Variants in ADAMTS12 observed in about 807,000 individuals in gnomAD.
ADAMTS12 encodes ADAM metallopeptidase with thrombospondin type 1 motif 12, also known as A disintegrin and metalloproteinase with thrombospondin motifs 12.
Under a neutral mutation model 167.8 loss-of-function variants are expected in ADAMTS12, and 118 were observed. That is an observed-to-expected ratio of 0.70 (90% CI 0.61 to 0.82). The LOEUF (loss-of-function observed/expected upper bound fraction) is 0.82. ADAMTS12 is among the 40% of genes least tolerant of loss of function. The probability of loss-of-function intolerance (pLI) is 0.00; values close to 1 mark genes in which losing one functional copy is unlikely to be tolerated. For missense variants in ADAMTS12, 1,916 were observed against 1,998.8 expected (o/e 0.96, Z 0.79); for synonymous variants, 704 against 716.9 (o/e 0.98, Z 0.29).
chr5:33,573,447 G>A (rs1093819), intron 19 of ADAMTS12, among the ~76,000 whole-genome samples: 101,579 of 151,856 alleles, frequency 0.67, 34,969 homozygotes, highest in African/African-American at 0.83. Flanking sequence ...ATAATGCCAC[G>A]TATCTACAAC....
rs562749501 is a variant in ADAMTS12 at position 33,632,794 on chromosome 5, C to T, written c.1889-1881G>A. ...GATTTGGGATTTTGTATTTGGAATA[C>T]ATAAAGCAAAAATAGAAAGCGGCCC... On this transcript the variant is annotated intron_variant, in intron 12 of 23. Coordinates refer to ENST00000504830, the MANE Select transcript of ADAMTS12 (RefSeq NM_030955.4). Among the ~76,000 whole-genome samples the T allele has an allele frequency of 3.9e-5, 6 of 152,178 alleles. No homozygotes were observed. In the South Asian group the frequency reaches 1.0e-3, roughly 26 times the overall value.
intron 17 of ADAMTS12, among the ~76,000 whole-genome samples, chr5:33,594,849 G>A (rs943417634): frequency 3.9e-5 from 6 of 152,126 alleles, no homozygotes; most frequent in Admixed American, 2.6e-4. Context: ...TTTTTCAACT[G>A]TCTTGTCCTG....
intron 2 of ADAMTS12, among the ~76,000 whole-genome samples, chr5:33,871,987 C>T (rs1750052851): frequency 6.6e-6 from 1 of 152,094 alleles, no homozygotes; most frequent in Non-Finnish European, 1.5e-5. Context: ...TTGAATGACA[C>T]AATCTTTCAA....
chr5:33,817,853 CTT>C (rs1398817150), intron 2 of ADAMTS12, among the ~76,000 whole-genome samples: 2 of 152,124 alleles, frequency 1.3e-5, no homozygotes, highest in Non-Finnish European at 2.9e-5. Context: ...CCACCTTTCT[CTT>C]TTCCATTTAA....
chr5:33,536,042 T>C (rs1022927874), intron 22 of ADAMTS12, among the ~76,000 whole-genome samples: 2 of 152,220 alleles, frequency 1.3e-5, no homozygotes, highest in Non-Finnish European at 2.9e-5. Flanking sequence ...TACATAAGAT[T>C]CTTCAGGATG....
At chr5:33,543,673 C>T (rs113948934) in intron 22 of ADAMTS12, among the ~76,000 whole-genome samples, 16,094 of 152,118 alleles carry the variant, frequency 0.11, 929 homozygotes, top group African/African-American at 0.12. Context: ...ATTATCAAGT[C>T]GGCTTCATCC....
rs189775182 is a variant in ADAMTS12 at position 33,727,684 on chromosome 5, C to T, written c.634+23720G>A. Among the ~76,000 whole-genome samples, 3 of 152,292 alleles carry T rather than the reference C, an allele frequency of 2.0e-5. No homozygotes were observed. In the East Asian group the frequency reaches 5.8e-4, roughly 29 times the overall value. ...TTTATGCTTGAGGCTTGTATGCATC[C>T]TGTTCCCTGGAACACACTCTTTCTT... is the stretch of plus-strand genomic sequence containing the variant. On this transcript the variant is annotated intron_variant, in intron 3 of 23. Transcript: ENST00000504830.
intron 20 of ADAMTS12, among the ~76,000 whole-genome samples, chr5:33,554,785 A>C (rs995618146): frequency 1.3e-5 from 2 of 152,208 alleles, no homozygotes; most frequent in Non-Finnish European, 2.9e-5. Context: ...AATCTGTAAA[A>C]TTCAATAAAC....
At chr5:33,649,749 G>A (rs769446922) in intron 7 of ADAMTS12, 52 bp from the exon 8 acceptor site, 6 of 1,595,314 alleles carry the variant, frequency 3.8e-6, no homozygotes, top group Non-Finnish European at 5.1e-6. Context: ...GCATTAAACA[G>A]GAAGAAAAAC....
At chr5:33,717,365 C>A (rs1743652671) in intron 3 of ADAMTS12, among the ~76,000 whole-genome samples, 1 of 152,108 alleles carries the variant, frequency 6.6e-6, no homozygotes, top group South Asian at 2.1e-4. Context: ...GAAAAGTATT[C>A]CAGAAGCAAT....
chr5:33,664,842 T>A (rs941011706), intron 5 of ADAMTS12, among the ~76,000 whole-genome samples: 1 of 152,128 alleles, frequency 6.6e-6, no homozygotes, highest in East Asian at 1.9e-4. Context: ...ATACCTGCCA[T>A]GTTCACTGCA....
intron 5 of ADAMTS12, among the ~76,000 whole-genome samples, chr5:33,672,956 T>C (rs6887720): frequency 0.012 from 1,878 of 152,250 alleles, 38 homozygotes; most frequent in African/African-American, 0.043. Flanking sequence ...CAGCTATGAG[T>C]TTAGGACTAC....
intron 5 of ADAMTS12, among the ~76,000 whole-genome samples, chr5:33,681,781 A>G (rs1467421831): frequency 6.6e-6 from 1 of 152,170 alleles, no homozygotes; most frequent in African/African-American, 2.4e-5. Context: ...TGTTTCAGGC[A>G]CTGAGAACCA....
rs1743870776 is a variant in ADAMTS12, at chr5:33,527,296, A to G, written c.4677T>C (p.Ser1559=). 1.2e-6 allele frequency: 2 copies of G among 1,614,182 alleles called. No homozygotes were observed. The highest frequency in any genetic ancestry group is 4.5e-5 in the East Asian group (2 of 44,880). ...AGCACTCAGCCCTCACGGTGGGCAC[A>G]GAACATTTCTTCATGGCTTTCAGTG... The part of the protein sequence containing the change: ...CQTLKAMKKC[S]VPTVRAECCF... Residue 1559 remains serine (S), a synonymous_variant, in exon 24 of 24, where the codon TCT becomes TCC. Transcript: ENST00000504830.
intron 3 of ADAMTS12, among the ~76,000 whole-genome samples, chr5:33,744,370 A>G (rs1744706446): frequency 6.6e-6 from 1 of 152,210 alleles, no homozygotes; most frequent in African/African-American, 2.4e-5. Context: ...AGCTTCTTTA[A>G]TGAATAAAAA....
intron 3 of ADAMTS12, among the ~76,000 whole-genome samples, chr5:33,686,936 T>TATATAG (rs70964412): frequency 0.043 from 6,201 of 145,506 alleles, 157 homozygotes; most frequent in African/African-American, 0.062. Context: ...TATATATATA[T>TATATAG]AGAGAGAGAG....
intron 14 of ADAMTS12, among the ~76,000 whole-genome samples, chr5:33,623,671 G>C (rs905402469): frequency 3.3e-5 from 5 of 152,202 alleles, no homozygotes; most frequent in Non-Finnish European, 5.9e-5. Context: ...AGGGACCAGT[G>C]GGTGGGACCC....
At chr5:33,533,004 G>T (rs1259668821) in intron 23 of ADAMTS12, among the ~76,000 whole-genome samples, 1 of 152,220 alleles carries the variant, frequency 6.6e-6, no homozygotes, top group East Asian at 1.9e-4. Flanking sequence ...GCCTTCAAAA[G>T]AAGCTAGTAA....
rs2548018 is a variant in ADAMTS12 at position 33,844,842 on chromosome 5, C to A, written c.489+36277G>T. 1.5e-4 allele frequency among the ~76,000 whole-genome samples: 23 copies of A among 152,268 alleles called. No individual in the cohort carries two copies. In the East Asian group the frequency reaches 4.2e-3, roughly 28 times the overall value. On this transcript the variant is annotated intron_variant, in intron 2 of 23. Coordinates refer to ENST00000504830, the MANE Select transcript of ADAMTS12 (RefSeq NM_030955.4). ...ACCGAAATGTGATGCCTCCCCCGGA[C>A]GCCCAGCTTTAAAATCTCTCTTTTG... is the stretch of plus-strand genomic sequence containing the variant.
Sources: allele counts gnomAD v4.1 joint callset (sites outside exome capture counted in the v4.1 genomes callset), GRCh38; gene constraint gnomAD v4.1.1; transcripts MANE v1.5; gene names NCBI Gene and HGNC (gene_info 2026-07-23, HGNC 2026-07-21).